The following NKAIN3 variants were observed in gnomAD, a reference collection of about 807,000 sequenced individuals.
The protein encoded by NKAIN3 is sodium/potassium transporting ATPase interacting 3, also known as sodium/potassium-transporting ATPase subunit beta-1-interacting protein 3.
In NKAIN3, 25 loss-of-function variants were observed where a neutral mutation model predicts 30.2. That is an observed-to-expected ratio of 0.83 (90% CI 0.60 to 1.16). The LOEUF (loss-of-function observed/expected upper bound fraction) is 1.16, where lower values mean the gene tolerates loss of function less well. NKAIN3 is among the 50% of genes most tolerant of loss of function. NKAIN3 has a pLI of 0.00. For missense variants in NKAIN3, 225 were observed against 254.1 expected (o/e 0.89, Z 0.78); for synonymous variants, 91 against 89.6 (o/e 1.02, Z -0.09).
At chr8:62,421,653 T>C (rs1319243745) in intron 1 of NKAIN3, among the ~76,000 whole-genome samples, 1 of 152,006 alleles carries the variant, frequency 6.6e-6, no homozygotes, top group African/African-American at 2.4e-5. Context: ...TACATATATA[T>C]ATGTACCTTT....
At chr8:62,961,064 G>C (rs1429093308) in intron 6 of NKAIN3, among the ~76,000 whole-genome samples, 2 of 152,166 alleles carry the variant, frequency 1.3e-5, no homozygotes, top group African/African-American at 4.8e-5. Flanking sequence ...CAGATCACTT[G>C]AGGTCAGGAG....
chr8:62,786,150 T>C (rs1306140606), intron 4 of NKAIN3, among the ~76,000 whole-genome samples: 1 of 152,024 alleles, frequency 6.6e-6, no homozygotes, highest in African/African-American at 2.4e-5. Flanking sequence ...TCCCTACAAA[T>C]GTACATATAA....
chr8:62,959,312 C>A (rs1329974893), intron 6 of NKAIN3, among the ~76,000 whole-genome samples: 1 of 152,110 alleles, frequency 6.6e-6, no homozygotes. Context: ...GAGGTGGTCA[C>A]GTCTCTCTGC....
intron 4 of NKAIN3, among the ~76,000 whole-genome samples, chr8:62,886,060 C>T (rs996086315): frequency 4.6e-5 from 7 of 151,998 alleles, no homozygotes; most frequent in Admixed American, 6.6e-5. Flanking sequence ...TTCTTTGTTT[C>T]TATTTTTGTC....
chr8:62,843,526 G>C (rs985134561), intron 4 of NKAIN3, among the ~76,000 whole-genome samples: 1 of 151,452 alleles, frequency 6.6e-6, no homozygotes, highest in Admixed American at 6.6e-5. Context: ...TAGTAAAGAC[G>C]GTTTCACCAT....
intron 4 of NKAIN3, among the ~76,000 whole-genome samples, chr8:62,835,731 C>T (rs1356628585): frequency 3.3e-5 from 5 of 152,068 alleles, no homozygotes; most frequent in African/African-American, 9.7e-5. Context: ...AACACTTACA[C>T]CCTGCTGGTG....
intron 3 of NKAIN3, among the ~76,000 whole-genome samples, chr8:62,692,456 G>A (rs1394776362): frequency 6.6e-6 from 1 of 152,120 alleles, no homozygotes; most frequent in Non-Finnish European, 1.5e-5. Flanking sequence ...TGCAGGCCTA[G>A]AAGAACACTC....
intron 3 of NKAIN3, among the ~76,000 whole-genome samples, chr8:62,611,492 A>G (rs947133886): frequency 6.6e-6 from 1 of 152,050 alleles, no homozygotes; most frequent in Non-Finnish European, 1.5e-5. Flanking sequence ...CTATGTCCAT[A>G]TATTCAATTG....
At chr8:62,472,086 A>T (rs1806372759) in intron 1 of NKAIN3, among the ~76,000 whole-genome samples, 1 of 151,714 alleles carries the variant, frequency 6.6e-6, no homozygotes, top group African/African-American at 2.4e-5. Flanking sequence ...AGGGAGCTGG[A>T]GAAAGTATCT....
intron 5 of NKAIN3, among the ~76,000 whole-genome samples, chr8:62,991,353 C>G (rs1453773323): frequency 6.6e-6 from 1 of 152,170 alleles, no homozygotes; most frequent in Non-Finnish European, 1.5e-5. Flanking sequence ...ATACTAGGAA[C>G]TGCATGTATC....
rs137934412 is a variant in NKAIN3, at chr8:62,680,573, G to C, written c.274-66359G>C. ...ATACTGGGAAATTTAGTATTATGCT[G>C]TTATCAGAAATGGGACAAAAGTGAC... On this transcript the variant is annotated intron_variant, in intron 3 of 6. Coordinates refer to ENST00000623646, the MANE Select transcript of NKAIN3 (RefSeq NM_001304533.3). Among the ~76,000 whole-genome samples the C allele has an allele frequency of 6.6e-5, 10 of 152,250 alleles. No individual in the cohort carries two copies. In the East Asian group the frequency reaches 1.9e-3, roughly 29 times the overall value.
At chr8:62,369,413 G>T (rs527586762) in intron 1 of NKAIN3, among the ~76,000 whole-genome samples, 1 of 151,978 alleles carries the variant, frequency 6.6e-6, no homozygotes, top group South Asian at 2.1e-4. Flanking sequence ...TTCTGATTTT[G>T]GTTTCATTTT....
chr8:62,964,804 A>T (rs866977627), intron 6 of NKAIN3, among the ~76,000 whole-genome samples: 7 of 140,842 alleles, frequency 5.0e-5, no homozygotes, highest in Middle Eastern at 3.6e-3. Flanking sequence ...TTTTCAAAAT[A>T]AAAAATTTAA....
intron 1 of NKAIN3, among the ~76,000 whole-genome samples, chr8:62,555,338 TA>T (rs1187947891): frequency 3.3e-5 from 5 of 152,200 alleles, no homozygotes; most frequent in Admixed American, 2.6e-4. Flanking sequence ...GTAATATGCT[TA>T]AAAAATGAAA....
At chr8:62,513,835 G>T (rs1021255368) in intron 1 of NKAIN3, among the ~76,000 whole-genome samples, 1 of 125,890 alleles carries the variant, frequency 7.9e-6, no homozygotes, top group Middle Eastern at 6.8e-3. Context: ...CTCCAGCCTG[G>T]GCAACAGAGT....
chr8:62,330,430 G>A (rs1815304616), intron 1 of NKAIN3, among the ~76,000 whole-genome samples: 1 of 152,006 alleles, frequency 6.6e-6, no homozygotes, highest in South Asian at 2.1e-4. Context: ...AGGAAAGAGA[G>A]GGAGTTGAGT....
intron 1 of NKAIN3, among the ~76,000 whole-genome samples, chr8:62,255,538 A>G (rs1016144653): frequency 6.6e-6 from 1 of 152,204 alleles, no homozygotes; most frequent in African/African-American, 2.4e-5. Flanking sequence ...GTTGTGATAC[A>G]AGGAAACCCT....
intron 4 of NKAIN3, among the ~76,000 whole-genome samples, chr8:62,834,588 A>G (rs1215387382): frequency 6.6e-6 from 1 of 151,762 alleles, no homozygotes; most frequent in African/African-American, 2.4e-5. Context: ...AACTACACAC[A>G]CACACACCAC....
At chr8:62,700,965 G>A (rs1814313460) in intron 3 of NKAIN3, among the ~76,000 whole-genome samples, 1 of 152,120 alleles carries the variant, frequency 6.6e-6, no homozygotes, top group Non-Finnish European at 1.5e-5. Flanking sequence ...TATTATGTTT[G>A]CATTTTGATC....
Sources: gnomAD v4.1 joint callset for allele counts (sites outside exome capture counted in the v4.1 genomes callset) on GRCh38, gnomAD v4.1.1 for gene constraint, MANE v1.5 for transcripts, NCBI Gene and HGNC (gene_info 2026-07-23, HGNC 2026-07-21) for gene names.